The following PTER variants were observed in gnomAD, a reference collection of about 807,000 sequenced individuals.
PTER encodes the protein N-acetyltaurine hydrolase.
PTER carries 38 observed loss-of-function variants against 29.6 expected under a neutral mutation model. The observed-to-expected ratio is 1.28, with a 90% CI of 0.99 to 1.68. The LOEUF (loss-of-function observed/expected upper bound fraction) is 1.68. Among genes scored for constraint, PTER ranks in the 40% most tolerant of loss-of-function variants. PTER has a pLI of 0.00. For missense variants in PTER, 482 were observed against 427.8 expected (o/e 1.13, Z -1.12); for synonymous variants, 172 against 154.5 (o/e 1.11, Z -0.84).
intron 3 of PTER, among the ~76,000 whole-genome samples, chr10:16,502,968 G>A (rs1414046492): frequency 3.4e-5 from 4 of 117,372 alleles, no homozygotes; most frequent in African/African-American, 1.4e-4. Flanking sequence ...CAGCCTGGGC[G>A]ACAGAGGGAG....
chr10:16,489,648 G>A lies in PTER; in HGVS notation c.698+3031G>A, dbSNP rs533929774. 4.6e-5 allele frequency among the ~76,000 whole-genome samples: 7 copies of A among 151,748 alleles called. No individual in the cohort carries two copies. The East Asian group carries it at 1.4e-3, about 30-fold the overall frequency. On this transcript the variant is annotated intron_variant, in intron 3 of 4. Coordinates refer to ENST00000535784, the MANE Select transcript of PTER (RefSeq NM_001261836.2). ...CTAAATTTTTTAATTGTGGTAAAAT[G>A]TGCATAACATAAAATTTATCATCTT...
intron 3 of PTER, among the ~76,000 whole-genome samples, chr10:16,501,365 A>ACG (rs1554793370): frequency 2.5e-4 from 18 of 71,146 alleles, no homozygotes; most frequent in Admixed American, 8.8e-4. Context: ...ACACACACAC[A>ACG]CACATGCACA....
rs117345486 is a variant in PTER at position 16,486,361 on chromosome 10, G to T, written c.442G>T (p.Val148Phe). Residue 148 changes from valine (V) to phenylalanine (F), a missense_variant, in exon 3 of 5, where the codon GTC becomes TTC. Transcript: ENST00000535784. ...TCTCACTCTTCCTTAGCTTACCGAT[G>T]TCCTTATGAATGAAATTCTCCATGG... ...RAMSVEQLTD[V>F]LMNEILHGAD... is the part of the protein sequence containing the mutation. The T allele has an allele frequency of 1.3e-5, 21 of 1,613,086 alleles. No homozygotes were observed. In the East Asian group the frequency reaches 4.5e-4, roughly 34 times the overall value.
intron 4 of PTER, among the ~76,000 whole-genome samples, chr10:16,506,103 G>A (rs909950337): frequency 9.9e-5 from 15 of 152,160 alleles, no homozygotes; most frequent in South Asian, 4.2e-4. Flanking sequence ...CTTGAATGCC[G>A]GTAATAAGTG....
intron 1 of PTER, chr10:16,476,016 C>G (rs991875502): frequency 1.3e-5 from 2 of 152,162 alleles, no homozygotes; most frequent in Non-Finnish European, 2.9e-5. Flanking sequence ...GCTTCTTGGC[C>G]TTTTGGCAAA....
At chr10:16,515,490 G>A (rs906051476), downstream of PTER, among the ~76,000 whole-genome samples, 31 of 152,148 alleles carry the variant, frequency 2.0e-4, no homozygotes, top group African/African-American at 6.3e-4. Context: ...CAAGTTTCAA[G>A]AATTTTTGAA....
intron 1 of PTER, among the ~76,000 whole-genome samples, chr10:16,473,411 C>T (rs944796011): frequency 1.4e-5 from 2 of 146,018 alleles, no homozygotes; most frequent in Admixed American, 7.1e-5. Flanking sequence ...AATGAACTCA[C>T]TATTAAAAAT....
intron 1 of PTER, among the ~76,000 whole-genome samples, chr10:16,443,777 T>C (rs1833921825): frequency 6.6e-6 from 1 of 152,162 alleles, no homozygotes; most frequent in Admixed American, 6.5e-5. Flanking sequence ...AAATTTCCTC[T>C]CCGAATCAGA....
At chr10:16,504,044 G>T (rs1220556389) in intron 3 of PTER, among the ~76,000 whole-genome samples, 1 of 151,770 alleles carries the variant, frequency 6.6e-6, no homozygotes. Context: ...TTCCCTTCAT[G>T]CAATGTCTTC....
chr10:16,442,517 C>T (rs1327186812), intron 1 of PTER, among the ~76,000 whole-genome samples: 1 of 152,192 alleles, frequency 6.6e-6, no homozygotes, highest in Admixed American at 6.5e-5. Flanking sequence ...ATGCTGTAAT[C>T]CCGGCACTTT....
chr10:16,485,236 T>C (rs1266927640), intron 2 of PTER, among the ~76,000 whole-genome samples: 1 of 152,178 alleles, frequency 6.6e-6, no homozygotes, highest in East Asian at 1.9e-4. Context: ...GAAGATTCAC[T>C]GTAGGGTGAA....
intron 1 of PTER, among the ~76,000 whole-genome samples, chr10:16,441,096 T>C (rs1338036655): frequency 1.3e-5 from 2 of 152,208 alleles, no homozygotes; most frequent in Admixed American, 6.5e-5. Context: ...AGATGTTTAA[T>C]TGCATTCTGT....
At chr10:16,447,101 CTTT>C (rs71374690) in intron 1 of PTER, among the ~76,000 whole-genome samples, 3 of 124,596 alleles carry the variant, frequency 2.4e-5, no homozygotes. Flanking sequence ...TTTTTCTTTT[CTTT>C]TTTTTTTTTT....
At chr10:16,452,202 C>CACACACACACAG (rs1319117205) in intron 1 of PTER, among the ~76,000 whole-genome samples, 1 of 150,838 alleles carries the variant, frequency 6.6e-6, no homozygotes, top group African/African-American at 2.5e-5. Context: ...GATACACACA[C>CACACACACACAG]ACACACACAC....
At chr10:16,507,623 C>T (rs1264177638) in intron 4 of PTER, among the ~76,000 whole-genome samples, 1 of 152,206 alleles carries the variant, frequency 6.6e-6, no homozygotes, top group African/African-American at 2.4e-5. Context: ...TACTGGCATT[C>T]TGCCTTGATC....
intron 1 of PTER, among the ~76,000 whole-genome samples, chr10:16,445,446 C>G (rs998017861): frequency 6.6e-6 from 1 of 152,124 alleles, no homozygotes; most frequent in Non-Finnish European, 1.5e-5. Context: ...TTATTGAAAC[C>G]CTTATCCAAG....
At chr10:16,465,640 T>C (rs1834781974) in intron 1 of PTER, among the ~76,000 whole-genome samples, 1 of 152,206 alleles carries the variant, frequency 6.6e-6, no homozygotes, top group South Asian at 2.1e-4. Flanking sequence ...AACAGAAATA[T>C]TTGCTCATTG....
intron 1 of PTER, among the ~76,000 whole-genome samples, chr10:16,473,547 A>C (rs12779908): frequency 1.4e-5 from 2 of 141,240 alleles, no homozygotes; most frequent in Non-Finnish European, 3.1e-5. Context: ...AAAAAAAAAA[A>C]CAGTTAGTTC....
intron 1 of PTER, among the ~76,000 whole-genome samples, chr10:16,445,115 A>G (rs1273624710): frequency 6.6e-6 from 1 of 152,232 alleles, no homozygotes; most frequent in Non-Finnish European, 1.5e-5. Flanking sequence ...TAAAAAGGAG[A>G]ATAAATGAGT....
Sources: allele counts gnomAD v4.1 joint callset (sites outside exome capture counted in the v4.1 genomes callset), GRCh38; gene constraint gnomAD v4.1.1; transcripts MANE v1.5; gene names NCBI Gene and HGNC (gene_info 2026-07-23, HGNC 2026-07-21).